The following KCNMB4 variants were observed in gnomAD, a reference collection of about 807,000 sequenced individuals.
The protein encoded by KCNMB4 is potassium calcium-activated channel subfamily M regulatory beta subunit 4.
A neutral mutation model predicts 20.7 loss-of-function variants in KCNMB4; 3 were observed. The ratio of observed to expected loss-of-function variants is 0.14; its 90% confidence interval spans 0.07 to 0.37. KCNMB4 has a LOEUF of 0.37. KCNMB4 is among the 10% of genes least tolerant of loss of function. The pLI is 1.00. For missense variants in KCNMB4, 168 were observed against 265.9 expected, an observed-to-expected ratio of 0.63 and a Z score of 2.56; for synonymous variants, 110 against 113.4, an observed-to-expected ratio of 0.97 and a Z score of 0.19.
At chr12:70,407,710 G>A (rs787936) in intron 2 of KCNMB4, among the ~76,000 whole-genome samples, 52,868 of 150,764 alleles carry the variant, frequency 0.35, 9,863 homozygotes, top group East Asian at 0.76. Flanking sequence ...CTCGTGATCC[G>A]CCCGCCTCAG....
chr12:70,405,282 C>T (rs1429312044), intron 2 of KCNMB4, among the ~76,000 whole-genome samples: 2 of 152,096 alleles, frequency 1.3e-5, no homozygotes, highest in African/African-American at 2.4e-5. Flanking sequence ...ACTCCTACAA[C>T]TCAATAGTAA....
At position 70,376,720 on chromosome 12, in the gene KCNMB4, C is replaced by G. The variant is rs7132015; in HGVS notation, c.336+9650C>G. 4.2e-5 allele frequency among the ~76,000 whole-genome samples: 6 copies of G among 142,092 alleles called. No homozygotes were observed. In the South Asian group the frequency reaches 1.1e-3, roughly 26 times the overall value. The allele number at this position is 142,092 out of a possible 152,430, so 93.2% of individuals were successfully genotyped here. A position where few individuals can be genotyped will look rare whatever the true frequency, so the allele number is the denominator to read the frequency against. ...CACCTCTACAAAAATTAAAAAAAAA[C>G]AAAACGCCAGATGTCATGGCACGTG... On this transcript the variant is annotated intron_variant, in intron 1 of 2. Transcript: ENST00000258111.
chr12:70,392,401 G>A (rs893282580), intron 1 of KCNMB4, among the ~76,000 whole-genome samples: 2 of 152,174 alleles, frequency 1.3e-5, no homozygotes, highest in African/African-American at 4.8e-5. Context: ...TTCAACCATT[G>A]TGGAAGACAA....
At chr12:70,398,424 C>T (rs2136128595) in intron 1 of KCNMB4, among the ~76,000 whole-genome samples, 1 of 152,206 alleles carries the variant, frequency 6.6e-6, no homozygotes, top group Non-Finnish European at 1.5e-5. Flanking sequence ...CCATTGCTTC[C>T]AAACCCAACT....
intron 1 of KCNMB4, among the ~76,000 whole-genome samples, chr12:70,383,393 G>A (rs1883829441): frequency 6.6e-6 from 1 of 152,180 alleles, no homozygotes; most frequent in Non-Finnish European, 1.5e-5. Flanking sequence ...TGGGGATGTG[G>A]GCAGTCTTGT....
chr12:70,421,470 G>GAAAAAAAAAAAAAAAA (rs61303899), intron 2 of KCNMB4, among the ~76,000 whole-genome samples: 1 of 75,672 alleles, frequency 1.3e-5, no homozygotes, highest in Non-Finnish European at 2.4e-5. Context: ...TCTCAAAAAA[G>GAAAAAAAAAAAAAAAA]AAAAAAAAAA....
At position 70,377,491 on chromosome 12, in the gene KCNMB4, C is replaced by G. The variant is rs191742869; in HGVS notation, c.336+10421C>G. ...ATCTGAGCATTTAGAAAGTCATAAT[C>G]ATTTTGCGGGTGGAGGATCATGCCT... On this transcript the variant is annotated intron_variant, in intron 1 of 2. Coordinates refer to ENST00000258111, the MANE Select transcript of KCNMB4 (RefSeq NM_014505.6). 6.6e-4 allele frequency among the ~76,000 whole-genome samples: 100 copies of G among 152,262 alleles called. 1 individual carries two copies. The highest frequency in any genetic ancestry group is 2.4e-3 in the African/African-American group (98 of 41,564).
intron 2 of KCNMB4, among the ~76,000 whole-genome samples, chr12:70,413,051 G>C (rs1182496713): frequency 6.6e-6 from 1 of 152,174 alleles, no homozygotes; most frequent in East Asian, 1.9e-4. Context: ...TATTAAGAGA[G>C]ATTACATCAG....
intron 1 of KCNMB4, among the ~76,000 whole-genome samples, chr12:70,390,390 G>A (rs1271853107): frequency 6.6e-6 from 1 of 152,174 alleles, no homozygotes; most frequent in Non-Finnish European, 1.5e-5. Flanking sequence ...TGGGTAAAAT[G>A]GTAAATTGAT....
intron 2 of KCNMB4, among the ~76,000 whole-genome samples, chr12:70,408,492 A>G (rs1365203268): frequency 6.6e-6 from 1 of 152,150 alleles, no homozygotes; most frequent in Non-Finnish European, 1.5e-5. Context: ...AGATTAGAGG[A>G]GTCTTAGCTT....
chr12:70,379,527 C>T lies in KCNMB4; in HGVS notation c.336+12457C>T, dbSNP rs1028168127. 2.0e-5 allele frequency among the ~76,000 whole-genome samples: 3 copies of T among 152,128 alleles called. No homozygotes were observed. In the East Asian group the frequency reaches 5.8e-4, roughly 29 times the overall value. On this transcript the variant is annotated intron_variant, in intron 1 of 2. Transcript: ENST00000258111. ...TCCACCCCAAGCTCAAGCCATCCTC[C>T]CACCTCAGCCTCCCAAGTAGCTAGG...
At chr12:70,422,231 A>G (rs943732786) in intron 2 of KCNMB4, among the ~76,000 whole-genome samples, 2 of 152,192 alleles carry the variant, frequency 1.3e-5, no homozygotes, top group Admixed American at 1.3e-4. Context: ...AAATGTTTGG[A>G]CAGAAAAACA....
intron 2 of KCNMB4, among the ~76,000 whole-genome samples, chr12:70,411,436 T>C (rs1593342359): frequency 6.6e-6 from 1 of 152,208 alleles, no homozygotes; most frequent in Non-Finnish European, 1.5e-5. Context: ...TTACCAATAA[T>C]ATTTTAATAT....
At chr12:70,422,912 G>A in intron 2 of KCNMB4, 1 of 1,021,546 alleles carries the variant, frequency 9.8e-7, no homozygotes. Flanking sequence ...GGTTTCCCCA[G>A]GCCTCTACTT....
intron 2 of KCNMB4, among the ~76,000 whole-genome samples, chr12:70,421,232 C>G (rs1271515360): frequency 6.6e-6 from 1 of 151,824 alleles, no homozygotes; most frequent in African/African-American, 2.4e-5. Flanking sequence ...TCGCTCATAT[C>G]TGTAATCCCA....
At chr12:70,380,142 T>C (rs1883758133) in intron 1 of KCNMB4, among the ~76,000 whole-genome samples, 1 of 152,192 alleles carries the variant, frequency 6.6e-6, no homozygotes, top group Admixed American at 6.5e-5. Context: ...CTTGAACACT[T>C]AGAGGCTGTT....
intron 2 of KCNMB4, among the ~76,000 whole-genome samples, chr12:70,421,940 C>A (rs1456907397): frequency 6.8e-6 from 1 of 146,754 alleles, no homozygotes; most frequent in Non-Finnish European, 1.5e-5. Context: ...TGTTTTTATA[C>A]AGTTAAGGTT....
chr12:70,401,405 C>G (rs1868446262), intron 2 of KCNMB4, among the ~76,000 whole-genome samples: 1 of 152,164 alleles, frequency 6.6e-6, no homozygotes, highest in African/African-American at 2.4e-5. Flanking sequence ...CCAGATTTCT[C>G]AGCTCCATTA....
intron 2 of KCNMB4, among the ~76,000 whole-genome samples, chr12:70,421,861 G>A (rs575825153): frequency 2.0e-5 from 3 of 150,474 alleles, no homozygotes; most frequent in African/African-American, 4.9e-5. Context: ...GATTACAGGC[G>A]TGAGCCAGCA....
Sources: allele counts gnomAD v4.1 joint callset (sites outside exome capture counted in the v4.1 genomes callset), GRCh38; gene constraint gnomAD v4.1.1; transcripts MANE v1.5; gene names NCBI Gene and HGNC (gene_info 2026-07-23, HGNC 2026-07-21).